Variants in AMZ2 observed in about 807,000 individuals in gnomAD.
AMZ2 encodes the protein archaemetzincin-2.
A neutral mutation model predicts 36.7 loss-of-function variants in AMZ2; 26 were observed. That is an observed-to-expected ratio of 0.71 (90% CI 0.52 to 0.98). The LOEUF is 0.98. AMZ2 is among the 50% of genes least tolerant of loss of function. AMZ2 has a pLI of 0.00. For synonymous variants in AMZ2, 144 were observed against 149.1 expected, an observed-to-expected ratio of 0.97 and a Z score of 0.25; for missense variants, 394 against 430.5, an observed-to-expected ratio of 0.92 and a Z score of 0.75.
intron 1 of AMZ2, among the ~76,000 whole-genome samples, chr17:68,224,592 C>CTGG (rs1469327942): frequency 2.7e-5 from 4 of 146,220 alleles, no homozygotes; most frequent in African/African-American, 1.0e-4. Flanking sequence ...GTTGCCCAGG[C>CTGG]TGGTGTACAC....
At chr17:68,207,705 T>C (rs12949674) in intron 1 of AMZ2, among the ~76,000 whole-genome samples, 19,029 of 152,278 alleles carry the variant, frequency 0.12, 1,340 homozygotes, top group Non-Finnish European at 0.16. Flanking sequence ...GCAGCCCTCA[T>C]AGCCCTCCCT....
intron 1 of AMZ2, among the ~76,000 whole-genome samples, chr17:68,212,099 G>A (rs2144489821): frequency 6.6e-6 from 1 of 152,108 alleles, no homozygotes; most frequent in Non-Finnish European, 1.5e-5. Context: ...GGCCAGGTGT[G>A]GTGACCCACA....
chr17:68,253,817 G>A (rs1248309921), intron 4 of AMZ2, among the ~76,000 whole-genome samples: 4 of 151,114 alleles, frequency 2.6e-5, no homozygotes, highest in African/African-American at 7.3e-5. Context: ...GCAATGGTGC[G>A]ATCTTGGCTC....
chr17:68,220,929 C>T (rs2073336495), intron 1 of AMZ2, among the ~76,000 whole-genome samples: 1 of 151,750 alleles, frequency 6.6e-6, no homozygotes, highest in African/African-American at 2.4e-5. Flanking sequence ...ATTACAGGTG[C>T]ATGCCTCCAC....
intron 1 of AMZ2, chr17:68,249,965 G>C: frequency 1.8e-6 from 1 of 542,526 alleles, no homozygotes; most frequent in Non-Finnish European, 3.2e-6. Flanking sequence ...ATGGGAGCAG[G>C]TTCCATATGA....
Position 68,250,386 on chromosome 17 carries a change from C to T in AMZ2, c.199C>T (p.Pro67Ser). 6.2e-7 allele frequency: 1 copy of T among 1,614,154 alleles called. No homozygotes were observed. Among genetic ancestry groups the T allele is most frequent in the South Asian group, 1.1e-5 (1 of 91,072 alleles). The stretch of plus-strand genomic sequence containing the variant: ...TTGGATCACCTCCCACCCTGAGGCT[C>T]CCCAAGACTTTGAACAGTTCTTCAG... The part of the protein sequence containing the change: ...SDWITSHPEA[P>S]QDFEQFFSDP... The change falls in exon 2 of 7, where the codon CCC (proline) becomes TCC (serine). Residue 67 changes from proline (P) to serine (S), a missense_variant. By Grantham distance (74) the Pro-to-Ser change is moderately conservative (BLOSUM62 -1). Transcript: ENST00000359904.
Position 68,221,209 on chromosome 17 carries a change from T to TCCCCCCCCC in AMZ2, c.-67+14972_-67+14980dup, listed in dbSNP as rs55937321. On this transcript the variant is annotated intron_variant, in intron 1 of 7. Transcript: ENST00000674770. ...TGATCTTCCTGCCTCAGCCCTCAGCTCCCCCCCCCGCCCCCCCGGTAGCTA... is the reference window on the plus strand; with the variant it reads ...TGATCTTCCTGCCTCAGCCCTCAGCTCCCCCCCCCCCCCCCCCCGCCCCCCCGGTAGCTA... Among the ~76,000 whole-genome samples the TCCCCCCCCC allele has an allele frequency of 5.0e-3, 333 of 66,736 alleles. 3 individuals are homozygous for TCCCCCCCCC. The highest frequency in any genetic ancestry group is 5.7e-3 in the Non-Finnish European group (214 of 37,338). 43.8% of individuals were successfully genotyped at this position (66,736 alleles called of 152,430 possible).
At chr17:68,223,448 T>G (rs2073420354) in intron 1 of AMZ2, among the ~76,000 whole-genome samples, 1 of 152,208 alleles carries the variant, frequency 6.6e-6, no homozygotes, top group South Asian at 2.1e-4. Flanking sequence ...TGCTCAACAG[T>G]ACAAGAGATC....
chr17:68,242,792 T>C (rs1323449450), intron 1 of AMZ2, among the ~76,000 whole-genome samples: 1 of 152,100 alleles, frequency 6.6e-6, no homozygotes, highest in Non-Finnish European at 1.5e-5. Context: ...TCCCAGCACT[T>C]TGGAAGGTGG....
chr17:68,250,330 T>C lies in AMZ2; in HGVS notation c.143T>C (p.Phe48Ser). ...GCCTTCCAGCCAGCCAGTGATCTCT[T>C]TGGACCCATTACCTTGCATTCTCCA... is the stretch of plus-strand genomic sequence containing the variant. Reference protein sequence around the residue: ...NEAFQPASDLFGPITLHSPSD... With the variant: ...NEAFQPASDLSGPITLHSPSD... Residue 48 changes from phenylalanine (F) to serine (S), a missense_variant, in exon 2 of 7, where the codon TTT becomes TCT. By Grantham distance (155) the Phe-to-Ser change is radical (BLOSUM62 -2). Transcript: ENST00000359904. 6.2e-7 allele frequency: 1 copy of C among 1,614,198 alleles called. No homozygotes were observed. The highest frequency in any genetic ancestry group is 8.5e-7 in the Non-Finnish European group (1 of 1,180,028).
At chr17:68,245,852 A>G (rs2073990121), upstream of AMZ2, among the ~76,000 whole-genome samples, 1 of 152,182 alleles carries the variant, frequency 6.6e-6, no homozygotes, top group South Asian at 2.1e-4. Context: ...ACACAAGGCA[A>G]TGAACAGGCA....
intron 1 of AMZ2, among the ~76,000 whole-genome samples, chr17:68,210,387 G>T (rs1355837433): frequency 3.3e-5 from 5 of 152,208 alleles, no homozygotes; most frequent in African/African-American, 1.2e-4. Context: ...GTTACAACAT[G>T]GAGAACCCTT....
chr17:68,244,409 C>T (rs2073960695), upstream of AMZ2, among the ~76,000 whole-genome samples: 1 of 152,188 alleles, frequency 6.6e-6, no homozygotes. Context: ...GCCTCAGCCT[C>T]CCAAGTAGCT....
intron 1 of AMZ2, among the ~76,000 whole-genome samples, chr17:68,219,186 T>G (rs1310616928): frequency 6.6e-6 from 1 of 152,100 alleles, no homozygotes; most frequent in African/African-American, 2.4e-5. Flanking sequence ...AGGCTGGTCT[T>G]GAACGCCTGA....
chr17:68,231,299 G>C (rs1164443707), intron 1 of AMZ2, among the ~76,000 whole-genome samples: 15 of 152,002 alleles, frequency 9.9e-5, no homozygotes, highest in Non-Finnish European at 2.2e-4. Context: ...TTGAATTCCT[G>C]GGCTTACATG....
chr17:68,252,759 A>T (rs1249529037), intron 4 of AMZ2, among the ~76,000 whole-genome samples: 1 of 152,120 alleles, frequency 6.6e-6, no homozygotes, highest in Non-Finnish European at 1.5e-5. Context: ...CCTGGGCTCA[A>T]GCGAGCCTCC....
intron 1 of AMZ2, among the ~76,000 whole-genome samples, chr17:68,208,840 G>C (rs2072927197): frequency 6.6e-6 from 1 of 152,004 alleles, no homozygotes; most frequent in Non-Finnish European, 1.5e-5. Context: ...GAAGGTCAAG[G>C]TCTGCAGCTT....
At chr17:68,231,348 GGCGTGAGCCACTGT>G (rs1555731191) in intron 1 of AMZ2, among the ~76,000 whole-genome samples, 1 of 152,012 alleles carries the variant, frequency 6.6e-6, no homozygotes, top group South Asian at 2.1e-4. Context: ...TGGGATAACA[GGCGTGAGCCACTGT>G]GCCCAGGGGC....
At chr17:68,210,962 G>T (rs1187517997) in intron 1 of AMZ2, among the ~76,000 whole-genome samples, 8 of 145,216 alleles carry the variant, frequency 5.5e-5, no homozygotes, top group African/African-American at 1.0e-4. Flanking sequence ...AAAAAAGGGG[G>T]GGGGGGAGGT....
Sources: gnomAD v4.1 joint callset for allele counts (sites outside exome capture counted in the v4.1 genomes callset) on GRCh38, gnomAD v4.1.1 for gene constraint, MANE v1.5 for transcripts, NCBI Gene and HGNC (gene_info 2026-07-23, HGNC 2026-07-21) for gene names.